FUT8: variants seen among roughly 807,000 people sequenced by gnomAD.
FUT8 encodes fucosyltransferase 8.
A neutral mutation model predicts 71.3 loss-of-function variants in FUT8; 29 were observed. The observed-to-expected ratio is 0.41, with a 90% CI of 0.30 to 0.55. The LOEUF (loss-of-function observed/expected upper bound fraction) is 0.55, where lower values mean the gene tolerates loss of function less well. FUT8 is among the 20% of genes least tolerant of loss of function. The pLI, the probability that FUT8 is intolerant of heterozygous loss-of-function variation, is 0.34. For missense variants in FUT8, 544 were observed against 702.1 expected (o/e 0.77, Z 2.55); for synonymous variants, 254 against 239.3 (o/e 1.06, Z -0.57).
intron 2 of FUT8, among the ~76,000 whole-genome samples, chr14:65,551,056 A>G (rs1885255785): frequency 6.6e-6 from 1 of 152,192 alleles, no homozygotes; most frequent in Non-Finnish European, 1.5e-5. Context: ...CCCTTTGCAT[A>G]GGGTACACAT....
intron 2 of FUT8, among the ~76,000 whole-genome samples, chr14:65,469,230 A>C (rs1431027386): frequency 6.6e-6 from 1 of 152,184 alleles, no homozygotes; most frequent in East Asian, 1.9e-4. Flanking sequence ...TTCCTGGTAA[A>C]AATTTCTGCC....
intron 6 of FUT8, among the ~76,000 whole-genome samples, chr14:65,667,938 T>C (rs908032005): frequency 5.3e-5 from 8 of 152,136 alleles, no homozygotes; most frequent in African/African-American, 1.9e-4. Context: ...AACTTTCTAA[T>C]CTTTGACAAA....
At chr14:65,661,328 C>T (rs567411950) in intron 6 of FUT8, among the ~76,000 whole-genome samples, 2 of 152,212 alleles carry the variant, frequency 1.3e-5, no homozygotes, top group East Asian at 3.9e-4. Flanking sequence ...TCTCTTGAAC[C>T]TGAACAGATT....
intron 7 of FUT8, among the ~76,000 whole-genome samples, chr14:65,710,213 G>C (rs1894747559): frequency 6.6e-6 from 1 of 151,994 alleles, no homozygotes; most frequent in African/African-American, 2.4e-5. Flanking sequence ...ACTCATTTAA[G>C]TTTTAAAAGA....
At chr14:65,370,930 T>C in the FUT8 span, among the ~76,000 whole-genome samples, 1 of 152,010 alleles carries the variant, frequency 6.6e-6, no homozygotes, top group Non-Finnish European at 1.5e-5. Flanking sequence ...GGAAAAGGGG[T>C]TTAGGCTTTT....
chr14:65,364,676 A>G, the FUT8 span, among the ~76,000 whole-genome samples: 35 of 152,300 alleles, frequency 2.3e-4, 1 homozygote, highest in African/African-American at 5.5e-4. Context: ...CCTTTTGTCC[A>G]TCTGGTCCAG....
At chr14:65,553,405 A>T (rs1250411215) in intron 2 of FUT8, among the ~76,000 whole-genome samples, 1 of 152,102 alleles carries the variant, frequency 6.6e-6, no homozygotes, top group African/African-American at 2.4e-5. Context: ...CCAGTGATAC[A>T]TTATTGCCAT....
At chr14:65,551,119 C>A (rs1416757991) in intron 2 of FUT8, among the ~76,000 whole-genome samples, 2 of 150,304 alleles carry the variant, frequency 1.3e-5, no homozygotes, top group East Asian at 4.0e-4. Flanking sequence ...AAAGGCAACC[C>A]TCCTTTGACA....
At chr14:65,365,947 C>T in the FUT8 span, among the ~76,000 whole-genome samples, 1 of 152,090 alleles carries the variant, frequency 6.6e-6, no homozygotes, top group Non-Finnish European at 1.5e-5. Flanking sequence ...AAGCAATTCT[C>T]CTGCCTCAGC....
the FUT8 span, among the ~76,000 whole-genome samples, chr14:65,363,551 C>T: frequency 1.3e-5 from 2 of 152,220 alleles, no homozygotes; most frequent in African/African-American, 4.8e-5. Context: ...GCCACTGCGC[C>T]CGGCCAGGAA....
chr14:65,451,073 G>C (rs1167823817), intron 1 of FUT8, among the ~76,000 whole-genome samples: 1 of 152,030 alleles, frequency 6.6e-6, no homozygotes, highest in Non-Finnish European at 1.5e-5. Flanking sequence ...AGCCAGGATG[G>C]TCTTGATCTC....
At chr14:65,390,428 A>G in the FUT8 span, among the ~76,000 whole-genome samples, 17,944 of 151,290 alleles carry the variant, frequency 0.12, 1,416 homozygotes, top group East Asian at 0.44. Context: ...GGGATAGTGT[A>G]GAAGAGAGGT....
At chr14:65,371,512 T>C in the FUT8 span, among the ~76,000 whole-genome samples, 10 of 152,226 alleles carry the variant, frequency 6.6e-5, no homozygotes, top group African/African-American at 2.4e-4. Context: ...CTTGGCACTT[T>C]TGAAAATTAC....
chr14:65,599,187 T>C (rs1339106972), intron 3 of FUT8, among the ~76,000 whole-genome samples: 1 of 152,110 alleles, frequency 6.6e-6, no homozygotes, highest in Admixed American at 6.5e-5. Flanking sequence ...ACAGACTCAG[T>C]CATCAGCTTT....
chr14:65,423,717 A>G (rs1450266460), intron 1 of FUT8, among the ~76,000 whole-genome samples: 1 of 152,162 alleles, frequency 6.6e-6, no homozygotes, highest in Non-Finnish European at 1.5e-5. Context: ...TCAGCTTTAG[A>G]TCCTTCGCCT....
intron 7 of FUT8, among the ~76,000 whole-genome samples, chr14:65,713,001 T>C (rs1427896070): frequency 2.6e-5 from 4 of 152,198 alleles, no homozygotes; most frequent in African/African-American, 9.7e-5. Flanking sequence ...ATACTAGGTC[T>C]TATTTTTTCG....
intron 6 of FUT8, among the ~76,000 whole-genome samples, chr14:65,667,329 A>G (rs916981920): frequency 2.0e-4 from 31 of 152,202 alleles, no homozygotes; most frequent in African/African-American, 7.5e-4. Flanking sequence ...GCAAAGTTTC[A>G]TGCTACAAAA....
intron 10 of FUT8, among the ~76,000 whole-genome samples, chr14:65,741,749 T>C (rs1896513808): frequency 6.6e-6 from 1 of 152,046 alleles, no homozygotes; most frequent in African/African-American, 2.4e-5. Context: ...TTTGGTATCA[T>C]GAGTGCCTAG....
chr14:65,493,973 T>G (rs185876764), intron 2 of FUT8, among the ~76,000 whole-genome samples: 297 of 152,222 alleles, frequency 2.0e-3, no homozygotes, highest in Middle Eastern at 6.8e-3. Flanking sequence ...TAATATGCTT[T>G]GTTAGTCAGG....
Sources: allele counts gnomAD v4.1 joint callset (sites outside exome capture counted in the v4.1 genomes callset), GRCh38; gene constraint gnomAD v4.1.1; transcripts MANE v1.5; gene names NCBI Gene and HGNC (gene_info 2026-07-23, HGNC 2026-07-21).